Variants in SORCS2 observed in about 807,000 individuals in gnomAD.
The protein encoded by SORCS2 is VPS10 domain-containing receptor SorCS2.
In SORCS2, 100 loss-of-function variants were observed where a neutral mutation model predicts 141.6. The observed-to-expected ratio is 0.71, with a 90% CI of 0.60 to 0.83. The LOEUF (loss-of-function observed/expected upper bound fraction) is 0.83. SORCS2 is among the 40% of genes least tolerant of loss of function. The pLI is 0.00. For missense variants in SORCS2, 1,646 were observed against 1,560.2 expected, an observed-to-expected ratio of 1.05 and a Z score of -0.93; for synonymous variants, 789 against 676.9, an observed-to-expected ratio of 1.17 and a Z score of -2.57.
intron 1 of SORCS2, among the ~76,000 whole-genome samples, chr4:7,238,833 C>G (rs1426797498): frequency 6.6e-6 from 1 of 152,204 alleles, no homozygotes; most frequent in Non-Finnish European, 1.5e-5. Flanking sequence ...CTGGGTTGGG[C>G]TGGGCCAGTG....
At chr4:7,341,817 C>T (rs1208483365) in intron 1 of SORCS2, among the ~76,000 whole-genome samples, 2 of 152,190 alleles carry the variant, frequency 1.3e-5, no homozygotes, top group Non-Finnish European at 2.9e-5. Flanking sequence ...TTTTCATCTC[C>T]CCAAAAGGAA....
At chr4:7,575,885 T>TGA (rs1336758439) in intron 3 of SORCS2, among the ~76,000 whole-genome samples, 1 of 152,208 alleles carries the variant, frequency 6.6e-6, no homozygotes. Context: ...CGAAGGAAGG[T>TGA]GAATTATCTG....
intron 2 of SORCS2, among the ~76,000 whole-genome samples, chr4:7,516,961 T>A (rs1381469199): frequency 1.3e-5 from 2 of 152,100 alleles, no homozygotes; most frequent in African/African-American, 4.8e-5. Context: ...ACCTCCTCCC[T>A]CCTCCTCTGG....
chr4:7,235,469 C>T (rs984296298), intron 1 of SORCS2, among the ~76,000 whole-genome samples: 2 of 152,126 alleles, frequency 1.3e-5, no homozygotes, highest in Non-Finnish European at 2.9e-5. Flanking sequence ...GTCCCCTTAG[C>T]CTTGAGTGAC....
In SORCS2 at chr4:7,570,757, C is replaced by G. The variant is rs576319289; in HGVS notation, c.648+39128C>G. On this transcript the variant is annotated intron_variant, in intron 3 of 26. Coordinates refer to ENST00000507866, the MANE Select transcript of SORCS2 (RefSeq NM_020777.3). ...CAAGCCTTTTCATCTCCAGGAACCCCCAGTTCTCATCCAGAGGGGAGGGTT... is the reference window on the plus strand; with the variant it reads ...CAAGCCTTTTCATCTCCAGGAACCCGCAGTTCTCATCCAGAGGGGAGGGTT... Among the ~76,000 whole-genome samples the G allele has an allele frequency of 4.1e-3, 619 of 152,312 alleles. 3 individuals carry two copies. Among genetic ancestry groups the G allele is most frequent in the African/African-American group, 0.014 (566 of 41,572 alleles).
intron 2 of SORCS2, among the ~76,000 whole-genome samples, chr4:7,425,819 G>GC (rs1726395355): frequency 6.6e-6 from 1 of 152,252 alleles, no homozygotes; most frequent in South Asian, 2.1e-4. Flanking sequence ...GCGGCAGCAG[G>GC]CAAGCATCCC....
At chr4:7,528,263 A>G (rs1733823289) in intron 2 of SORCS2, among the ~76,000 whole-genome samples, 1 of 152,200 alleles carries the variant, frequency 6.6e-6, no homozygotes, top group Non-Finnish European at 1.5e-5. Context: ...AAATTTAAAC[A>G]AATGGAATGA....
At chr4:7,465,100 T>C (rs1206607764) in intron 2 of SORCS2, among the ~76,000 whole-genome samples, 2 of 152,190 alleles carry the variant, frequency 1.3e-5, no homozygotes, top group Non-Finnish European at 2.9e-5. Context: ...TATTAGCTTC[T>C]CATGGGTGAA....
intron 3 of SORCS2, among the ~76,000 whole-genome samples, chr4:7,542,156 C>T (rs1353923370): frequency 1.3e-5 from 2 of 152,308 alleles, no homozygotes; most frequent in South Asian, 2.1e-4. Context: ...CCCTCATGGG[C>T]GGAGGGTTGG....
chr4:7,293,514 C>T (rs922915201), intron 1 of SORCS2, among the ~76,000 whole-genome samples: 13 of 152,154 alleles, frequency 8.5e-5, no homozygotes, highest in Non-Finnish European at 1.5e-4. Context: ...TTTGGCTCCC[C>T]TGAGTGTGAA....
chr4:7,511,783 C>T (rs1577678636), intron 2 of SORCS2, among the ~76,000 whole-genome samples: 1 of 152,206 alleles, frequency 6.6e-6, no homozygotes, highest in East Asian at 1.9e-4. Context: ...CAGCTGTCTG[C>T]TGCCCACCCA....
At chr4:7,584,094 C>T (rs1433778974) in intron 3 of SORCS2, among the ~76,000 whole-genome samples, 1 of 152,256 alleles carries the variant, frequency 6.6e-6, no homozygotes, top group Non-Finnish European at 1.5e-5. Context: ...ATGAGGACAG[C>T]ATCTTCGTCT....
intron 4 of SORCS2, among the ~76,000 whole-genome samples, 190 bp from the exon 5 acceptor site, chr4:7,653,944 A>G (rs191237278): frequency 2.0e-5 from 3 of 152,342 alleles, no homozygotes; most frequent in Admixed American, 2.0e-4. Context: ...GCCCGGGGAC[A>G]GGAATGGTTC....
At chr4:7,434,594 C>T (rs1727157332) in intron 2 of SORCS2, 2 of 1,613,330 alleles carry the variant, frequency 1.2e-6, no homozygotes, top group Non-Finnish European at 1.7e-6. Flanking sequence ...GGGAGCCACT[C>T]ACAGGTCTTC....
intron 10 of SORCS2, among the ~76,000 whole-genome samples, chr4:7,686,987 G>A (rs1394454353): frequency 1.3e-5 from 2 of 152,210 alleles, no homozygotes; most frequent in Non-Finnish European, 2.9e-5. Context: ...ACCAGAATAG[G>A]CCACTAGTGG....
chr4:7,488,408 G>T (rs975469518), intron 2 of SORCS2, among the ~76,000 whole-genome samples: 1 of 152,212 alleles, frequency 6.6e-6, no homozygotes, highest in Non-Finnish European at 1.5e-5. Flanking sequence ...CAGGCTGAGG[G>T]ATGAGGTCAG....
intron 3 of SORCS2, among the ~76,000 whole-genome samples, chr4:7,566,327 G>A (rs1715010820): frequency 6.6e-6 from 1 of 152,028 alleles, no homozygotes; most frequent in African/African-American, 2.4e-5. Flanking sequence ...AATGGTGATG[G>A]TGATGATGTG....
At chr4:7,315,418 A>G (rs2108931268) in intron 1 of SORCS2, among the ~76,000 whole-genome samples, 2 of 152,382 alleles carry the variant, frequency 1.3e-5, no homozygotes, top group Middle Eastern at 6.8e-3. Context: ...GCCAGGCAGC[A>G]TGGCCTGAAT....
At chr4:7,354,358 G>A (rs1266152782) in intron 1 of SORCS2, among the ~76,000 whole-genome samples, 1 of 152,034 alleles carries the variant, frequency 6.6e-6, no homozygotes, top group African/African-American at 2.4e-5. Context: ...AGCCTGCCAG[G>A]TACCCGCTGG....
Sources: allele counts gnomAD v4.1 joint callset (sites outside exome capture counted in the v4.1 genomes callset), GRCh38; gene constraint gnomAD v4.1.1; transcripts MANE v1.5; gene names NCBI Gene and HGNC (gene_info 2026-07-23, HGNC 2026-07-21).